Variants in FAM107B observed in about 807,000 individuals in gnomAD.
FAM107B encodes family with sequence similarity 107 member B.
A neutral mutation model predicts 31.5 loss-of-function variants in FAM107B; 21 were observed. The observed-to-expected ratio is 0.67, with a 90% CI of 0.47 to 0.96. The LOEUF is 0.96. Among genes scored for constraint, FAM107B ranks in the 40% least tolerant of loss-of-function variants. The pLI, the probability that FAM107B is intolerant of heterozygous loss-of-function variation, is 0.00. For synonymous variants in FAM107B, 157 were observed against 141.5 expected (o/e 1.11, Z -0.78); for missense variants, 452 against 377.1 (o/e 1.20, Z -1.64).
intron 1 of FAM107B, among the ~76,000 whole-genome samples, chr10:14,685,358 A>G (rs903819260): frequency 6.6e-6 from 1 of 151,992 alleles, no homozygotes; most frequent in Non-Finnish European, 1.5e-5. Context: ...TATGTTGCCC[A>G]GACTGACCTC....
chr10:14,544,065 A>G (rs988081286), intron 2 of FAM107B, among the ~76,000 whole-genome samples: 2 of 152,174 alleles, frequency 1.3e-5, no homozygotes, highest in Admixed American at 6.5e-5. Flanking sequence ...CCCTCACTCC[A>G]GGCACCCCGA....
chr10:14,621,612 C>T (rs1303184286), intron 2 of FAM107B, among the ~76,000 whole-genome samples: 1 of 152,172 alleles, frequency 6.6e-6, no homozygotes, highest in Non-Finnish European at 1.5e-5. Flanking sequence ...GGCTGCAATT[C>T]TATTAAAAGA....
chr10:14,625,053 C>T (rs555556441), intron 2 of FAM107B, among the ~76,000 whole-genome samples: 1 of 152,008 alleles, frequency 6.6e-6, no homozygotes, highest in African/African-American at 2.4e-5. Context: ...GGTGAAATCC[C>T]GTCTCTACTA....
chr10:14,682,632 A>G (rs1347902667), intron 1 of FAM107B, among the ~76,000 whole-genome samples: 1 of 152,208 alleles, frequency 6.6e-6, no homozygotes, highest in Admixed American at 6.5e-5. Context: ...TCAGCAAACT[A>G]ACATAAGAAC....
chr10:14,751,319 C>G (rs1344387889), intron 1 of FAM107B, among the ~76,000 whole-genome samples: 1 of 152,130 alleles, frequency 6.6e-6, no homozygotes, highest in Non-Finnish European at 1.5e-5. Context: ...ATACACAGCC[C>G]TTGTCCTGCC....
At chr10:14,594,418 C>T (rs1466261213) in intron 2 of FAM107B, among the ~76,000 whole-genome samples, 1 of 151,338 alleles carries the variant, frequency 6.6e-6, no homozygotes, top group Non-Finnish European at 1.5e-5. Context: ...GTGGGAAGAT[C>T]CCTTGAGCCC....
chr10:14,526,952 C>G, intron 3 of FAM107B, among the ~76,000 whole-genome samples: 1 of 152,076 alleles, frequency 6.6e-6, no homozygotes, highest in East Asian at 1.9e-4. Flanking sequence ...ATTCTCCTGC[C>G]TCAGCCTCCT....
chr10:14,580,128 G>C (rs1851587317), intron 2 of FAM107B, among the ~76,000 whole-genome samples: 1 of 152,160 alleles, frequency 6.6e-6, no homozygotes, highest in African/African-American at 2.4e-5. Flanking sequence ...GGGAGGCCCA[G>C]GTGGGTGGAT....
chr10:14,523,123 C>G (rs906852401), intron 3 of FAM107B, among the ~76,000 whole-genome samples: 4 of 152,232 alleles, frequency 2.6e-5, no homozygotes, highest in African/African-American at 9.6e-5. Context: ...TTCTCTAGTG[C>G]TATATCTGTC....
At chr10:14,526,869 G>A (rs774044382) in intron 3 of FAM107B, among the ~76,000 whole-genome samples, 4 of 148,682 alleles carry the variant, frequency 2.7e-5, no homozygotes, top group Non-Finnish European at 5.9e-5. Context: ...ACGGAGTCTC[G>A]CTTTGTCACC....
At chr10:14,706,022 T>C (rs1042196670) in intron 1 of FAM107B, among the ~76,000 whole-genome samples, 2 of 152,134 alleles carry the variant, frequency 1.3e-5, no homozygotes, top group Admixed American at 6.5e-5. Context: ...ATCAGGCAAA[T>C]TAACATACCC....
At chr10:14,541,071 T>G (rs754952848) in intron 2 of FAM107B, among the ~76,000 whole-genome samples, 4 of 152,188 alleles carry the variant, frequency 2.6e-5, no homozygotes, top group Non-Finnish European at 5.9e-5. Flanking sequence ...CTCACAGGTT[T>G]CAACCCTAAG....
At chr10:14,700,417 G>A (rs1855369314) in intron 1 of FAM107B, among the ~76,000 whole-genome samples, 1 of 152,172 alleles carries the variant, frequency 6.6e-6, no homozygotes, top group African/African-American at 2.4e-5. Context: ...GGAAATCGTT[G>A]TCACCATGAA....
intron 1 of FAM107B, among the ~76,000 whole-genome samples, chr10:14,672,029 T>G (rs1393818001): frequency 6.6e-6 from 1 of 151,948 alleles, no homozygotes; most frequent in Non-Finnish European, 1.5e-5. Context: ...CAGGCATGCA[T>G]TGGTTCTGTA....
In FAM107B at chr10:14,664,221, G is replaced by A. The variant is rs148746073; in HGVS notation, c.469+3413C>T. On this transcript the variant is annotated intron_variant, in intron 2 of 4. Coordinates refer to ENST00000181796, the MANE Select transcript of FAM107B (RefSeq NM_031453.4). ...TCTATTTGACTGAAGCTCTGTGAAGGCAAGACTTCCATAGTATCCTGCTTT... is the reference window on the plus strand; with the variant it reads ...TCTATTTGACTGAAGCTCTGTGAAGACAAGACTTCCATAGTATCCTGCTTT... 3.1e-3 allele frequency among the ~76,000 whole-genome samples: 470 copies of A among 152,254 alleles called. 9 individuals carry two copies. In the East Asian group the frequency reaches 0.049, roughly 16 times the overall value.
chr10:14,658,474 A>C (rs1854131829), intron 2 of FAM107B, among the ~76,000 whole-genome samples: 1 of 152,234 alleles, frequency 6.6e-6, no homozygotes, highest in South Asian at 2.1e-4. Context: ...TGTGTTAAGT[A>C]CCCAAATAAA....
chr10:14,717,778 G>A (rs1329283141), intron 1 of FAM107B, among the ~76,000 whole-genome samples: 4 of 151,916 alleles, frequency 2.6e-5, no homozygotes, highest in South Asian at 4.2e-4. Flanking sequence ...GCAATGCTTC[G>A]CCAGCCATCT....
In FAM107B at chr10:14,767,020, G is replaced by GTGTATATATA. The variant is rs1354065285; in HGVS notation, c.411+7232_411+7233insTATATATACA. Among the ~76,000 whole-genome samples the GTGTATATATA allele has an allele frequency of 8.2e-4, 25 of 30,374 alleles. 1 individual carries two copies. Among genetic ancestry groups the GTGTATATATA allele is most frequent in the African/African-American group, 2.1e-3 (24 of 11,702 alleles). 19.9% of individuals were successfully genotyped at this position (30,374 alleles called of 152,430 possible). On this transcript the variant is annotated intron_variant, in intron 1 of 4. Transcript: ENST00000181796. ...AACTGCAGAACAATATCCCTGATGT[G>GTGTATATATA]TATGTATATATATATATATATATAT...
chr10:14,553,433 T>A (rs1464969471), intron 2 of FAM107B: 2 of 1,071,604 alleles, frequency 1.9e-6, no homozygotes, highest in African/African-American at 3.3e-5. Context: ...AGTTTCTTAA[T>A]GCCAAAGCAA....
Sources: gnomAD v4.1 joint callset for allele counts (sites outside exome capture counted in the v4.1 genomes callset) on GRCh38, gnomAD v4.1.1 for gene constraint, MANE v1.5 for transcripts, NCBI Gene and HGNC (gene_info 2026-07-23, HGNC 2026-07-21) for gene names.